ROCK2: variants seen among roughly 807,000 people sequenced by gnomAD.
ROCK2 encodes the protein rho-associated protein kinase 2.
ROCK2 carries 61 observed loss-of-function variants against 195.1 expected under a neutral mutation model. The ratio of observed to expected loss-of-function variants is 0.31; its 90% CI spans 0.25 to 0.39. The LOEUF (loss-of-function observed/expected upper bound fraction) is 0.39. ROCK2 is among the 10% of genes least tolerant of loss of function. The probability of loss-of-function intolerance (pLI) is 1.00; values close to 1 mark genes in which losing one functional copy is unlikely to be tolerated. For synonymous variants in ROCK2, 504 were observed against 545.5 expected, an observed-to-expected ratio of 0.92 and a Z score of 1.06; for missense variants, 1,109 against 1,637.4, an observed-to-expected ratio of 0.68 and a Z score of 5.57.
chr2:11,215,671 C>A (rs1389397207), intron 13 of ROCK2, 26 bp from the exon 14 acceptor site: 1 of 1,550,594 alleles, frequency 6.4e-7, no homozygotes, highest in South Asian at 1.2e-5. Flanking sequence ...AAGTTATTAT[C>A]AAAAAAGTAT....
At chr2:11,281,494 A>C (rs1258910020) in intron 3 of ROCK2, among the ~76,000 whole-genome samples, 1 of 152,230 alleles carries the variant, frequency 6.6e-6, no homozygotes, top group African/African-American at 2.4e-5. Flanking sequence ...TTCCTGGAAC[A>C]AGTCATTATA....
Position 11,317,607 on chromosome 2 carries a change from TATA to T in ROCK2, c.141+26386_141+26388del, listed in dbSNP as rs1455736353. ...ATATATATATATATATATATATATA[TATA>T]TATTTTTTTTTTTTTTTAATTATAC... On this transcript the variant is annotated intron_variant, in intron 1 of 32. Coordinates refer to ENST00000315872, the MANE Select transcript of ROCK2 (RefSeq NM_004850.5). 1.1e-3 allele frequency among the ~76,000 whole-genome samples: 27 copies of T among 24,318 alleles called. 1 individual carries two copies. The highest frequency in any genetic ancestry group is 3.1e-3 in the East Asian group (1 of 320). 16.0% of individuals were successfully genotyped at this position (24,318 alleles called of 152,430 possible). A position where few individuals can be genotyped will look rare whatever the true frequency, so the allele number is the denominator to read the frequency against.
upstream of ROCK2, among the ~76,000 whole-genome samples, chr2:11,345,196 G>A (rs1231152314): frequency 1.3e-5 from 2 of 152,254 alleles, no homozygotes; most frequent in Non-Finnish European, 2.9e-5. Flanking sequence ...CCGAATTAGC[G>A]GAGGCGGGTG....
At chr2:11,198,450 A>C in intron 25 of ROCK2, 41 bp downstream of exon 25, 1 of 1,357,358 alleles carries the variant, frequency 7.4e-7, no homozygotes, top group Non-Finnish European at 1.0e-6. Flanking sequence ...AGATAAACTG[A>C]GACAAAATTC....
chr2:11,199,721 CT>C (rs1572232784), intron 23 of ROCK2, among the ~76,000 whole-genome samples: 1 of 152,148 alleles, frequency 6.6e-6, no homozygotes, highest in Non-Finnish European at 1.5e-5. Context: ...AAATGAAGAT[CT>C]GATGTAATAG....
intron 32 of ROCK2, chr2:11,184,725 T>A (rs1263052162): frequency 1.0e-6 from 1 of 984,096 alleles, no homozygotes; most frequent in East Asian, 1.1e-4. Context: ...ACCATCAACA[T>A]CATCAAATGA....
chr2:11,289,475 A>G (rs1391544637), intron 1 of ROCK2, among the ~76,000 whole-genome samples: 1 of 152,238 alleles, frequency 6.6e-6, no homozygotes, highest in Non-Finnish European at 1.5e-5. Flanking sequence ...AATCAAAGAA[A>G]AGTATATTCA....
intron 25 of ROCK2, among the ~76,000 whole-genome samples, chr2:11,198,058 A>G (rs1445771899): frequency 1.3e-5 from 2 of 152,214 alleles, no homozygotes; most frequent in Non-Finnish European, 2.9e-5. Flanking sequence ...AACATTTTGC[A>G]GTGACATCAA....
At chr2:11,247,315 T>C in intron 4 of ROCK2, among the ~76,000 whole-genome samples, 1 of 152,148 alleles carries the variant, frequency 6.6e-6, no homozygotes, top group East Asian at 1.9e-4. Flanking sequence ...GTGAAAATAT[T>C]CAAAATCATT....
At chr2:11,188,057 A>G (rs1663262644) in intron 32 of ROCK2, among the ~76,000 whole-genome samples, 1 of 152,026 alleles carries the variant, frequency 6.6e-6, no homozygotes, top group Admixed American at 6.5e-5. Flanking sequence ...AATCTTTAAA[A>G]GAAAAATAAT....
At chr2:11,266,203 C>G (rs893691853) in intron 3 of ROCK2, among the ~76,000 whole-genome samples, 1 of 152,190 alleles carries the variant, frequency 6.6e-6, no homozygotes, top group Non-Finnish European at 1.5e-5. Flanking sequence ...AGGGACCTGC[C>G]TGAGGTACTT....
At chr2:11,293,393 C>A (rs1224725536) in intron 1 of ROCK2, among the ~76,000 whole-genome samples, 2 of 152,136 alleles carry the variant, frequency 1.3e-5, no homozygotes, top group African/African-American at 4.8e-5. Flanking sequence ...GAGTTCATAG[C>A]CTATAAAATC....
chr2:11,203,347 A>G (rs1347903742), intron 20 of ROCK2, among the ~76,000 whole-genome samples: 2 of 152,236 alleles, frequency 1.3e-5, no homozygotes, highest in Non-Finnish European at 2.9e-5. Flanking sequence ...AACCTCACAT[A>G]TATTTGTTCA....
chr2:11,308,342 T>C (rs1355362370), intron 1 of ROCK2: 2 of 1,187,530 alleles, frequency 1.7e-6, no homozygotes, highest in East Asian at 2.3e-5. Flanking sequence ...TAATAAAGAA[T>C]TCCCATTTGA....
chr2:11,223,512 A>G (rs1664705837), intron 7 of ROCK2, among the ~76,000 whole-genome samples: 1 of 152,192 alleles, frequency 6.6e-6, no homozygotes, highest in South Asian at 2.1e-4. Flanking sequence ...ATAAGCAATA[A>G]GATGTGCTAA....
chr2:11,311,001 C>T (rs774727396), intron 1 of ROCK2, among the ~76,000 whole-genome samples: 1 of 151,336 alleles, frequency 6.6e-6, no homozygotes, highest in East Asian at 1.9e-4. Flanking sequence ...CTAGATTTCA[C>T]CAGTAATATA....
chr2:11,245,472 T>C (rs1025973353), intron 4 of ROCK2, among the ~76,000 whole-genome samples: 11 of 152,218 alleles, frequency 7.2e-5, no homozygotes, highest in Middle Eastern at 3.4e-3. Flanking sequence ...AGAACATCTA[T>C]TGTACAAAGA....
intron 1 of ROCK2, among the ~76,000 whole-genome samples, chr2:11,330,523 T>C (rs1215929702): frequency 6.6e-6 from 1 of 152,120 alleles, no homozygotes; most frequent in Non-Finnish European, 1.5e-5. Context: ...CTAGATCTTG[T>C]AGGCATCAAA....
intron 23 of ROCK2, among the ~76,000 whole-genome samples, chr2:11,199,228 CGT>C (rs1558283978): frequency 6.6e-6 from 1 of 151,948 alleles, no homozygotes; most frequent in African/African-American, 2.4e-5. Flanking sequence ...CTGTAAATTA[CGT>C]GTTTTGCCTT....
Sources: allele counts gnomAD v4.1 joint callset (sites outside exome capture counted in the v4.1 genomes callset), GRCh38; gene constraint gnomAD v4.1.1; transcripts MANE v1.5; gene names NCBI Gene and HGNC (gene_info 2026-07-23, HGNC 2026-07-21).